The following MAPT variants were observed in gnomAD, a reference collection of about 807,000 sequenced individuals.
MAPT encodes microtubule associated protein tau.
In MAPT, 34 loss-of-function variants were observed where a neutral mutation model predicts 67.9. The observed-to-expected ratio is 0.50, with a 90% CI of 0.38 to 0.67. The LOEUF (loss-of-function observed/expected upper bound fraction) is 0.67, where lower values mean the gene tolerates loss of function less well. MAPT is among the 30% of genes least tolerant of loss of function. The probability of loss-of-function intolerance (pLI) is 0.00; values close to 1 mark genes in which losing one functional copy is unlikely to be tolerated. For missense variants in MAPT, 881 were observed against 1,115.2 expected (o/e 0.79, Z 2.99); for synonymous variants, 456 against 464.5 (o/e 0.98, Z 0.23).
intron 1 of MAPT, among the ~76,000 whole-genome samples, chr17:45,939,825 C>A (rs763452998): frequency 1.1e-4 from 17 of 152,180 alleles, no homozygotes; most frequent in Non-Finnish European, 2.2e-4. Context: ...TCATATATGA[C>A]CTGCACTGGC....
chr17:46,009,572 TGGTGGGTGG>T (rs2075681691), intron 9 of MAPT, among the ~76,000 whole-genome samples: 1 of 151,800 alleles, frequency 6.6e-6, no homozygotes, highest in Non-Finnish European at 1.5e-5. Flanking sequence ...GGGAGAGGGC[TGGTGGGTGG>T]ATGGAAGGAG....
intron 11 of MAPT, among the ~76,000 whole-genome samples, chr17:46,015,072 G>T (rs1000577807): frequency 6.6e-6 from 1 of 152,066 alleles, no homozygotes; most frequent in Admixed American, 6.6e-5. Flanking sequence ...TAATTTAATT[G>T]TACATTTAAA....
intron 12 of MAPT, among the ~76,000 whole-genome samples, chr17:46,019,284 C>T (rs566733977): frequency 2.0e-5 from 3 of 148,782 alleles, no homozygotes; most frequent in East Asian, 2.4e-4. Context: ...GGGAAAGACC[C>T]GCCCCCATGA....
chr17:45,905,956 G>A (rs1352658063), intron 1 of MAPT, among the ~76,000 whole-genome samples: 1 of 152,232 alleles, frequency 6.6e-6, no homozygotes, highest in Non-Finnish European at 1.5e-5. Flanking sequence ...ACCTGAAATA[G>A]TATAGCTGCT....
Position 46,010,371 on chromosome 17 carries a change from A to G in MAPT, c.2060A>G (p.Asp687Gly). Residue 687 changes from aspartate (D) to glycine (G), a missense_variant, in exon 10 of 13, where the codon GAT (aspartate) becomes GGT (glycine). Coordinates refer to ENST00000262410, the MANE Select transcript of MAPT (RefSeq NM_001377265.1). This position sits in a 1 kb window ranked among gnomAD's most constrained non-coding sequence, Gnocchi z 4.7. ...GTCCAGTCCAAGTGTGGCTCAAAGG[A>G]TAATATCAAACACGTCCCGGGAGGC... ...SNVQSKCGSK[D>G]NIKHVPGGGS... The G allele has an allele frequency of 6.3e-7, 1 of 1,582,556 alleles. No individual in the cohort carries two copies. Among genetic ancestry groups the G allele is most frequent in the African/African-American group, 1.3e-5 (1 of 74,646 alleles).
Position 45,896,594 on chromosome 17 carries a change from G to C in MAPT, c.-18+1908G>C, listed in dbSNP as rs2063247923. ...TTCCCTGCGGAGATTGGGGACCCTG[G>C]GGTAGGGGGAGCCGCGCCCAGTCGG... is the stretch of plus-strand genomic sequence containing the variant. On this transcript the variant is annotated intron_variant, in intron 1 of 12. Coordinates refer to ENST00000262410, the MANE Select transcript of MAPT (RefSeq NM_001377265.1). The surrounding 1 kb of genome is among the most constrained non-coding windows in gnomAD (Gnocchi z 5.6). 6.6e-6 allele frequency: 1 copy of C among 152,254 alleles called. No individual in the cohort carries two copies. The allele number at this position is 152,254 out of a possible 1,614,324, so 9.4% of individuals were successfully genotyped here. A position where few individuals can be genotyped will look rare whatever the true frequency, so the allele number is the denominator to read the frequency against.
In MAPT at chr17:45,978,049, A is replaced by G. The variant is rs1222072427; in HGVS notation, c.221-326A>G. The G allele has an allele frequency of 2.0e-5, 7 of 354,564 alleles. No homozygotes were observed. The East Asian group carries it at 4.1e-4, about 21-fold the overall frequency. 22.0% of individuals were successfully genotyped at this position (354,564 alleles called of 1,614,324 possible). The stretch of plus-strand genomic sequence containing the variant: ...CTCCACAACCATGGCTCAGCAGCAA[A>G]TTGCTTCTCTGACCTCACTCAGCCT... On this transcript the variant is annotated intron_variant, in intron 3 of 12. Transcript: ENST00000262410.
chr17:46,002,270 G>C lies in MAPT; in HGVS notation c.1998+5606G>C, dbSNP rs116485294. ...GGAGTGCTGAAGCAGGCAGGCTGTC[G>C]GCATCTGCTGGGGACGGTTAAGCAG... is the stretch of plus-strand genomic sequence containing the variant. On this transcript the variant is annotated intron_variant, in intron 9 of 12. Coordinates refer to ENST00000262410, the MANE Select transcript of MAPT (RefSeq NM_001377265.1). 2.0e-5 allele frequency among the ~76,000 whole-genome samples: 3 copies of C among 152,110 alleles called. No homozygotes were observed. In the East Asian group the frequency reaches 5.8e-4, roughly 29 times the overall value.
chr17:45,910,007 C>T (rs1398872449), intron 1 of MAPT, among the ~76,000 whole-genome samples: 2 of 152,068 alleles, frequency 1.3e-5, no homozygotes, highest in African/African-American at 4.8e-5. Flanking sequence ...CGCCACTGCA[C>T]TCCAGCCTGG....
At chr17:46,009,882 G>T (rs565734209) in intron 9 of MAPT, among the ~76,000 whole-genome samples, 1 of 152,202 alleles carries the variant, frequency 6.6e-6, no homozygotes, top group Non-Finnish European at 1.5e-5. Flanking sequence ...ATGTGCCGGT[G>T]GGTCTAGCCA....
intron 1 of MAPT, among the ~76,000 whole-genome samples, chr17:45,955,324 A>G (rs1284106352): frequency 6.6e-6 from 1 of 152,190 alleles, no homozygotes; most frequent in East Asian, 1.9e-4. Context: ...TCTCAAATAC[A>G]CTTCTTGGCT....
chr17:45,989,786 T>A, intron 6 of MAPT, 92 bp from the exon 7 acceptor site: 2 of 1,146,946 alleles, frequency 1.7e-6, no homozygotes, highest in Non-Finnish European at 2.6e-6. Flanking sequence ...ATTACCTGCC[T>A]TATTTATTTT....
At chr17:45,975,745 T>A (rs1320112470) in intron 3 of MAPT, 1 of 152,196 alleles carries the variant, frequency 6.6e-6, no homozygotes, top group Non-Finnish European at 1.5e-5. Context: ...GCCAGTCCCA[T>A]GTGACAGTCA....
intron 3 of MAPT, chr17:45,972,187 C>A: frequency 1.5e-6 from 1 of 669,812 alleles, no homozygotes; most frequent in South Asian, 1.5e-5. Flanking sequence ...CAGTCCCGCG[C>A]ACAGCTCCAC....
chr17:45,949,157 A>G (rs2068802044), intron 1 of MAPT, among the ~76,000 whole-genome samples: 1 of 152,260 alleles, frequency 6.6e-6, no homozygotes, highest in Admixed American at 6.5e-5. Context: ...TCCCCAGACC[A>G]GAACCGCGGG....
At chr17:45,981,348 G>T (rs1254016612) in intron 4 of MAPT, among the ~76,000 whole-genome samples, 1 of 152,208 alleles carries the variant, frequency 6.6e-6, no homozygotes, top group Non-Finnish European at 1.5e-5. Context: ...GAACCAAGGA[G>T]TGTAATTCTC....
intron 1 of MAPT, among the ~76,000 whole-genome samples, chr17:45,926,915 GTATA>G (rs756168430): frequency 1.7e-4 from 25 of 147,196 alleles, no homozygotes; most frequent in Non-Finnish European, 3.4e-4. Context: ...ATGTATGTGT[GTATA>G]TATATACACA....
At chr17:45,911,213 G>C (rs1307286331) in intron 1 of MAPT, among the ~76,000 whole-genome samples, 1 of 152,210 alleles carries the variant, frequency 6.6e-6, no homozygotes, top group East Asian at 1.9e-4. Flanking sequence ...CCCATCGCAG[G>C]GAGATGCTTT....
At chr17:45,955,566 A>G (rs1230729019) in intron 1 of MAPT, among the ~76,000 whole-genome samples, 2 of 152,176 alleles carry the variant, frequency 1.3e-5, no homozygotes, top group African/African-American at 2.4e-5. Flanking sequence ...CCCCATCGCC[A>G]CAGACTTGGT....
Sources: gnomAD v4.1 joint callset for allele counts (sites outside exome capture counted in the v4.1 genomes callset) on GRCh38, gnomAD v4.1.1 for gene constraint, Gnocchi (gnomAD v3.1) non-coding constraint, MANE v1.5 for transcripts, NCBI Gene and HGNC (gene_info 2026-07-23, HGNC 2026-07-21) for gene names.